Variants in RALYL observed in about 807,000 individuals in gnomAD.
RALYL encodes RNA-binding Raly-like protein.
In RALYL, 29 loss-of-function variants were observed where a neutral mutation model predicts 35.1. That is an observed-to-expected ratio of 0.83 (90% CI 0.61 to 1.13). RALYL has a LOEUF of 1.13. RALYL is among the 50% of genes most tolerant of loss of function. The pLI, the probability that RALYL is intolerant of heterozygous loss-of-function variation, is 0.00. For synonymous variants in RALYL, 120 were observed against 127.6 expected (o/e 0.94, Z 0.40); for missense variants, 359 against 360.4 (o/e 1.00, Z 0.03).
chr8:84,606,380 A>G (rs1817149834), intron 2 of RALYL, among the ~76,000 whole-genome samples: 1 of 152,156 alleles, frequency 6.6e-6, no homozygotes, highest in African/African-American at 2.4e-5. Context: ...GCTTGTAAAT[A>G]ATCCTTAATG....
In RALYL at chr8:84,539,876, ATG is replaced by A. The variant is rs1306917275; in HGVS notation, c.256+10301_256+10302del. ...TATGTATATATATATATATATATAT[ATG>A]TATATATATGTGTGTGTGTGTGTGT... On this transcript the variant is annotated intron_variant, in intron 2 of 8. Transcript: ENST00000521268. 1.8e-3 allele frequency among the ~76,000 whole-genome samples: 35 copies of A among 19,022 alleles called. 1 individual carries two copies. The highest frequency in any genetic ancestry group is 0.022 in the East Asian group (2 of 92). The allele number at this position is 19,022 out of a possible 152,430, so 12.5% of individuals were successfully genotyped here. A position where few individuals can be genotyped will look rare whatever the true frequency, so the allele number is the denominator to read the frequency against.
chr8:84,886,178 GA>G (rs1408202382), intron 7 of RALYL, among the ~76,000 whole-genome samples: 2 of 151,982 alleles, frequency 1.3e-5, no homozygotes, highest in African/African-American at 4.8e-5. Context: ...ATCATTTGGA[GA>G]ATTAAAATGC....
At position 84,292,231 on chromosome 8, in the gene RALYL, A is replaced by G. The variant is rs1365683780; in HGVS notation, c.-24+107807A>G. 2.6e-5 allele frequency among the ~76,000 whole-genome samples: 4 copies of G among 152,276 alleles called. No homozygotes were observed. In the East Asian group the frequency reaches 5.8e-4, roughly 22 times the overall value. On this transcript the variant is annotated intron_variant, in intron 1 of 8. Transcript: ENST00000521268. ...AAAGGTGAGGAGGTAGGTATGTGCAATAGATATCCATTTATATTCTTAGCA... is the reference window on the plus strand; with the variant it reads ...AAAGGTGAGGAGGTAGGTATGTGCAGTAGATATCCATTTATATTCTTAGCA...
At chr8:84,391,892 G>A (rs1490017276) in intron 1 of RALYL, among the ~76,000 whole-genome samples, 1 of 151,976 alleles carries the variant, frequency 6.6e-6, no homozygotes, top group African/African-American at 2.4e-5. Flanking sequence ...CTTTTACTGT[G>A]AAGGTCTCAC....
intron 4 of RALYL, among the ~76,000 whole-genome samples, chr8:84,847,739 C>T (rs533369240): frequency 3.9e-5 from 6 of 152,176 alleles, no homozygotes; most frequent in African/African-American, 1.4e-4. Context: ...TCATTGTCCC[C>T]TTGGTTTGCA....
intron 6 of RALYL, among the ~76,000 whole-genome samples, chr8:84,863,072 T>A (rs1299558104): frequency 2.0e-5 from 3 of 152,128 alleles, no homozygotes; most frequent in South Asian, 2.1e-4. Flanking sequence ...CAGAAAAAAA[T>A]TTTATTTGTT....
At chr8:84,439,323 C>T (rs890742418) in intron 1 of RALYL, among the ~76,000 whole-genome samples, 10 of 151,960 alleles carry the variant, frequency 6.6e-5, no homozygotes, top group Non-Finnish European at 2.9e-5. Flanking sequence ...ATTTTTATTC[C>T]AGCTTGCTCC....
chr8:84,746,156 A>C (rs1808550921), intron 2 of RALYL, among the ~76,000 whole-genome samples: 1 of 152,048 alleles, frequency 6.6e-6, no homozygotes, highest in Non-Finnish European at 1.5e-5. Context: ...TTCTCTCCAA[A>C]GACAGAAGAT....
intron 1 of RALYL, among the ~76,000 whole-genome samples, chr8:84,334,895 T>C (rs74316572): frequency 0.025 from 3,760 of 152,268 alleles, 97 homozygotes; most frequent in Non-Finnish European, 0.031. Flanking sequence ...AAATTAACCC[T>C]GTCCTCTTAT....
intron 2 of RALYL, among the ~76,000 whole-genome samples, chr8:84,560,383 C>T (rs1027125730): frequency 6.6e-6 from 1 of 151,874 alleles, no homozygotes; most frequent in Non-Finnish European, 1.5e-5. Flanking sequence ...ATGTCAGCAA[C>T]AAAAGGTAGA....
chr8:84,711,109 T>C (rs1028124878), intron 2 of RALYL, among the ~76,000 whole-genome samples: 1 of 151,928 alleles, frequency 6.6e-6, no homozygotes, highest in African/African-American at 2.4e-5. Context: ...CAAGTAGAAA[T>C]AGCATATGCA....
chr8:84,866,560 G>A (rs1318074270), intron 6 of RALYL, among the ~76,000 whole-genome samples: 2 of 152,072 alleles, frequency 1.3e-5, no homozygotes, highest in Admixed American at 1.3e-4. Context: ...TTTGCAGCAA[G>A]GTACTTGCTT....
chr8:84,341,136 C>G (rs1469612258), intron 1 of RALYL, among the ~76,000 whole-genome samples: 1 of 139,174 alleles, frequency 7.2e-6, no homozygotes, highest in Non-Finnish European at 1.6e-5. Flanking sequence ...TATTCCAGTT[C>G]TTCCTGTTTT....
At chr8:84,687,488 T>C (rs1027208038) in intron 2 of RALYL, among the ~76,000 whole-genome samples, 2 of 152,106 alleles carry the variant, frequency 1.3e-5, no homozygotes, top group Admixed American at 6.6e-5. Context: ...TCCACATGGA[T>C]GATCAAATTT....
intron 1 of RALYL, among the ~76,000 whole-genome samples, chr8:84,411,829 G>A (rs1247834784): frequency 1.3e-5 from 2 of 151,914 alleles, no homozygotes; most frequent in African/African-American, 4.8e-5. Context: ...TAAAATAGTG[G>A]TTAGGAGCAA....
chr8:84,893,557 C>A (rs1174259017), intron 8 of RALYL, among the ~76,000 whole-genome samples: 1 of 152,148 alleles, frequency 6.6e-6, no homozygotes, highest in East Asian at 1.9e-4. Flanking sequence ...CTTCTGTGAA[C>A]ACTCTAGGAC....
intron 1 of RALYL, among the ~76,000 whole-genome samples, chr8:84,445,621 ATACT>A (rs148378446): frequency 1.5e-4 from 23 of 151,856 alleles, no homozygotes; most frequent in Admixed American, 4.6e-4. Context: ...GTTAATACTG[ATACT>A]TAATAATAAT....
At chr8:84,645,975 A>G (rs1337407399) in intron 2 of RALYL, among the ~76,000 whole-genome samples, 1 of 151,784 alleles carries the variant, frequency 6.6e-6, no homozygotes, top group Non-Finnish European at 1.5e-5. Flanking sequence ...CACCAGTTCA[A>G]TTTTCCTTAA....
intron 7 of RALYL, among the ~76,000 whole-genome samples, chr8:84,882,133 T>C (rs1450952193): frequency 2.0e-5 from 3 of 152,016 alleles, no homozygotes; most frequent in Non-Finnish European, 4.4e-5. Context: ...TAATCCATAA[T>C]GTAGGTGTCT....
Sources: gnomAD v4.1 joint callset for allele counts (sites outside exome capture counted in the v4.1 genomes callset) on GRCh38, gnomAD v4.1.1 for gene constraint, MANE v1.5 for transcripts, NCBI Gene and HGNC (gene_info 2026-07-23, HGNC 2026-07-21) for gene names.